The following PCDHGA10 variants were observed in gnomAD, a reference collection of about 807,000 sequenced individuals.
PCDHGA10 encodes protocadherin gamma-A10.
In PCDHGA10, 42 loss-of-function variants were observed where a neutral mutation model predicts 59.5. The observed-to-expected ratio is 0.71, with a 90% CI of 0.55 to 0.91. The LOEUF (loss-of-function observed/expected upper bound fraction) is 0.91, where lower values mean the gene tolerates loss of function less well. Among genes scored for constraint, PCDHGA10 ranks in the 40% least tolerant of loss-of-function variants. The pLI is 0.00. For missense variants in PCDHGA10, 1,111 were observed against 1,198.2 expected (o/e 0.93, Z 1.07); for synonymous variants, 511 against 517.2 (o/e 0.99, Z 0.16).
At chr5:141,422,187 T>A in intron 1 of PCDHGA10, 1 of 1,561,762 alleles carries the variant, frequency 6.4e-7, no homozygotes, top group South Asian at 1.2e-5. Context: ...AGATGGAAAT[T>A]CAAGGCCAAG....
chr5:141,460,959 A>G (rs892536901), intron 1 of PCDHGA10, among the ~76,000 whole-genome samples: 2 of 126,082 alleles, frequency 1.6e-5, no homozygotes, highest in African/African-American at 7.1e-5. Context: ...ATGTATATAT[A>G]TATGTGTGTG....
At position 141,476,581 on chromosome 5, in the gene PCDHGA10, G is replaced by A. The variant is rs1393235114; in HGVS notation, c.2437-18226G>A. The A allele has an allele frequency of 5.0e-6, 8 of 1,614,230 alleles. No individual in the cohort carries two copies. The highest frequency in any genetic ancestry group is 6.8e-6 in the Non-Finnish European group (8 of 1,180,042). ...CCGTGGCTCCGGGGACGCGCTTTCC[G>A]CTCGAGAGCGCGCACGATCCCGATG... On this transcript the variant is annotated intron_variant, in intron 1 of 3. Transcript: ENST00000398610. This position sits in a 1 kb window ranked among gnomAD's most constrained non-coding sequence, Gnocchi z 7.6.
At chr5:141,505,536 C>T (rs749205049) in intron 3 of PCDHGA10, 55 bp downstream of exon 3, 9 of 1,610,164 alleles carry the variant, frequency 5.6e-6, no homozygotes, top group Non-Finnish European at 7.6e-6. Context: ...TTCTGGGGTG[C>T]ATCTCACAGC....
At chr5:141,478,051 G>A (rs751371411) in intron 1 of PCDHGA10, 2 of 1,614,088 alleles carry the variant, frequency 1.2e-6, no homozygotes, top group East Asian at 2.2e-5. Context: ...AGACTCTCAC[G>A]GTCTTGATCA....
chr5:141,431,296 C>T lies in PCDHGA10; in HGVS notation c.2436+15685C>T, dbSNP rs2097358592. On this transcript the variant is annotated intron_variant, in intron 1 of 3. Transcript: ENST00000398610. The surrounding 1 kb of genome is among the most constrained non-coding windows in gnomAD (Gnocchi z 4.8). ...AGCTCAGCCCGAACACTCACTTCTC[C>T]CTCATCGTGCAAAATGGAGCCGACG... The T allele has an allele frequency of 1.9e-6, 3 of 1,614,018 alleles. No individual in the cohort carries two copies. Among genetic ancestry groups the T allele is most frequent in the Non-Finnish European group, 2.5e-6 (3 of 1,180,048 alleles).
At position 141,486,254 on chromosome 5, in the gene PCDHGA10, G is replaced by A. The variant is rs2099626723; in HGVS notation, c.2437-8553G>A. ...GACCTCAGAGCTTGGAACCCTCCCCGAGAGTGCAGAACCTGGCACTGTGGT... is the reference window on the plus strand; with the variant it reads ...GACCTCAGAGCTTGGAACCCTCCCCAAGAGTGCAGAACCTGGCACTGTGGT... On this transcript the variant is annotated intron_variant, in intron 1 of 3. Transcript: ENST00000398610. This position sits in a 1 kb window ranked among gnomAD's most constrained non-coding sequence, Gnocchi z 5.0. The A allele has an allele frequency of 1.2e-6, 2 of 1,613,992 alleles. No individual in the cohort carries two copies. Among genetic ancestry groups the A allele is most frequent in the Non-Finnish European group, 1.7e-6 (2 of 1,179,982 alleles).
At chr5:141,501,602 A>T (rs766918685) in intron 2 of PCDHGA10, among the ~76,000 whole-genome samples, 1 of 152,026 alleles carries the variant, frequency 6.6e-6, no homozygotes. Flanking sequence ...TACCAGTTCC[A>T]GCTGTGTGAC....
chr5:141,419,285 G>A, intron 1 of PCDHGA10: 2 of 1,614,028 alleles, frequency 1.2e-6, no homozygotes, highest in East Asian at 4.5e-5. Context: ...GCAAGTCAGT[G>A]CCTCTGACCC....
At chr5:141,429,500 A>C (rs1050435175) in intron 1 of PCDHGA10, among the ~76,000 whole-genome samples, 1 of 152,148 alleles carries the variant, frequency 6.6e-6, no homozygotes, top group Non-Finnish European at 1.5e-5. Flanking sequence ...CAGTTGCCTG[A>C]AACTGTGCCT....
chr5:141,442,006 G>A (rs540427406), intron 1 of PCDHGA10: 77 of 229,074 alleles, frequency 3.4e-4, no homozygotes, highest in African/African-American at 1.6e-3. Context: ...CTGACAGCTC[G>A]CACGATGGGC....
intron 1 of PCDHGA10, among the ~76,000 whole-genome samples, chr5:141,444,152 ATTTTTTTTTTTTTTT>A (rs747671382): frequency 3.8e-4 from 13 of 33,894 alleles, no homozygotes; most frequent in East Asian, 1.0e-3. Context: ...TGTGTACTGG[ATTTTTTTTTTTTTTT>A]TTTTTTTTTT....
At chr5:141,445,573 A>G (rs1311326050) in intron 1 of PCDHGA10, among the ~76,000 whole-genome samples, 1 of 152,248 alleles carries the variant, frequency 6.6e-6, no homozygotes, top group Admixed American at 6.5e-5. Flanking sequence ...AGCTTATAGT[A>G]GGGAAGCTTC....
In PCDHGA10 at chr5:141,414,437, C is replaced by T. The variant is rs1422750138; in HGVS notation, c.1262C>T (p.Ser421Phe). Reference protein sequence around the residue: ...HRALDREQVSSYNITVTATDG... With the variant: ...HRALDREQVSFYNITVTATDG... ...GCCCTTGACAGGGAACAGGTATCCT[C>T]TTACAATATCACAGTGACAGCCACA... is the stretch of plus-strand genomic sequence containing the variant. The change falls in exon 1 of 4, where the codon TCT (serine) becomes TTT (phenylalanine). Residue 421 changes from serine to phenylalanine, a missense_variant. By Grantham distance (155) the Ser-to-Phe change is radical. Coordinates refer to ENST00000398610, the MANE Select transcript of PCDHGA10 (RefSeq NM_018913.3). 6.2e-7 allele frequency: 1 copy of T among 1,613,856 alleles called. No individual in the cohort carries two copies. Among genetic ancestry groups the T allele is most frequent in the Non-Finnish European group, 8.5e-7 (1 of 1,179,828 alleles).
intron 1 of PCDHGA10, among the ~76,000 whole-genome samples, chr5:141,483,021 G>A (rs543104114): frequency 6.6e-6 from 1 of 152,126 alleles, no homozygotes; most frequent in East Asian, 1.9e-4. Context: ...GGAGGCAGAG[G>A]TTGCAATGAG....
chr5:141,464,853 C>A (rs1441161135), intron 1 of PCDHGA10, among the ~76,000 whole-genome samples: 1 of 151,778 alleles, frequency 6.6e-6, no homozygotes, highest in East Asian at 1.9e-4. Flanking sequence ...ATCCTCCTAC[C>A]TTAGCCTCCC....
intron 1 of PCDHGA10, among the ~76,000 whole-genome samples, chr5:141,455,028 G>A (rs2098810519): frequency 6.6e-6 from 1 of 150,780 alleles, no homozygotes; most frequent in Non-Finnish European, 1.5e-5. Flanking sequence ...TAGCCAGGAT[G>A]GTCTCGATCT....
chr5:141,453,870 C>A (rs932804656), intron 1 of PCDHGA10, among the ~76,000 whole-genome samples: 2 of 152,146 alleles, frequency 1.3e-5, no homozygotes, highest in African/African-American at 4.8e-5. Context: ...AACAGATGAG[C>A]AAAATAATGT....
Position 141,485,967 on chromosome 5 carries a change from A to G in PCDHGA10, c.2437-8840A>G, listed in dbSNP as rs751904053. 2.5e-6 allele frequency: 4 copies of G among 1,614,194 alleles called. No individual in the cohort carries two copies. The South Asian group carries it at 4.4e-5, about 18-fold the overall frequency. On this transcript the variant is annotated intron_variant, in intron 1 of 3. Transcript: ENST00000398610. This position sits in a 1 kb window ranked among gnomAD's most constrained non-coding sequence, Gnocchi z 5.7. The stretch of plus-strand genomic sequence containing the variant: ...GCGGGCATGGTGCTCATCCAGCTCA[A>G]TGCCTCAGACCCGGACCTGGGTCCC...
At chr5:141,469,415 A>C (rs2099200751) in intron 1 of PCDHGA10, among the ~76,000 whole-genome samples, 1 of 152,116 alleles carries the variant, frequency 6.6e-6, no homozygotes, top group Admixed American at 6.5e-5. Flanking sequence ...TTTCTACTAA[A>C]AATATAAAAC....
Sources: allele counts gnomAD v4.1 joint callset (sites outside exome capture counted in the v4.1 genomes callset), GRCh38; gene constraint gnomAD v4.1.1; non-coding constraint Gnocchi (gnomAD v3.1); transcripts MANE v1.5; gene names NCBI Gene and HGNC (gene_info 2026-07-23, HGNC 2026-07-21).